The following LIN52 variants were observed in gnomAD, a reference collection of about 807,000 sequenced individuals.
LIN52 encodes the protein protein lin-52 homolog.
A neutral mutation model predicts 18.5 loss-of-function variants in LIN52; 4 were observed. The observed-to-expected ratio is 0.22, with a 90% CI of 0.11 to 0.49. The LOEUF is 0.49. LIN52 is among the 20% of genes least tolerant of loss of function. The pLI, the probability that LIN52 is intolerant of heterozygous loss-of-function variation, is 0.97. For synonymous variants in LIN52, 34 were observed against 45.5 expected, an observed-to-expected ratio of 0.75 and a Z score of 1.02; for missense variants, 102 against 139.5, an observed-to-expected ratio of 0.73 and a Z score of 1.35.
At chr14:74,103,374 T>C (rs1326599384) in intron 5 of LIN52, among the ~76,000 whole-genome samples, 1 of 151,602 alleles carries the variant, frequency 6.6e-6, no homozygotes, top group Non-Finnish European at 1.5e-5. Flanking sequence ...CCACCACACC[T>C]GACATATTGT....
intron 4 of LIN52, among the ~76,000 whole-genome samples, chr14:74,099,400 C>G (rs912051516): frequency 6.6e-6 from 1 of 152,166 alleles, no homozygotes; most frequent in Non-Finnish European, 1.5e-5. Context: ...CAGGTTCATT[C>G]TTCTAATGTT....
At chr14:74,124,432 AATT>A (rs1478498518) in intron 5 of LIN52, among the ~76,000 whole-genome samples, 1 of 152,192 alleles carries the variant, frequency 6.6e-6, no homozygotes, top group Non-Finnish European at 1.5e-5. Flanking sequence ...AATTTAATAT[AATT>A]CAAATTACAA....
chr14:74,142,991 A>G (rs17093891), intron 5 of LIN52, among the ~76,000 whole-genome samples: 2,059 of 151,418 alleles, frequency 0.014, 47 homozygotes, highest in African/African-American at 0.046. Flanking sequence ...TCAGAAGACT[A>G]AATCTAATAA....
At chr14:74,101,602 G>A (rs185965695) in intron 5 of LIN52, among the ~76,000 whole-genome samples, 2,668 of 151,202 alleles carry the variant, frequency 0.018, 36 homozygotes, top group Non-Finnish European at 0.027. Flanking sequence ...GGGACTACAG[G>A]CGCCCGCCAC....
rs113404168 is a variant in LIN52, at chr14:74,180,730, G to T, written c.284-18192G>T. On this transcript the variant is annotated intron_variant, in intron 5 of 5. Transcript: ENST00000555028. ...CAGTGGTCTAACATATAAAAATGCT[G>T]CTTTTCACTTTCACTTTGGCATTGG... is the stretch of plus-strand genomic sequence containing the variant. 2.1e-3 allele frequency among the ~76,000 whole-genome samples: 327 copies of T among 152,292 alleles called. 2 individuals are homozygous for T. Among genetic ancestry groups the T allele is most frequent in the African/African-American group, 7.5e-3 (311 of 41,558 alleles).
chr14:74,195,616 G>A (rs2078908132), intron 5 of LIN52, among the ~76,000 whole-genome samples: 2 of 152,108 alleles, frequency 1.3e-5, no homozygotes, highest in South Asian at 4.1e-4. Context: ...GCAGAAGGCT[G>A]TCTCCCTACT....
intron 5 of LIN52, among the ~76,000 whole-genome samples, chr14:74,151,075 C>G (rs899338817): frequency 2.6e-4 from 40 of 152,150 alleles, no homozygotes; most frequent in African/African-American, 8.9e-4. Context: ...CCCAGAGAGT[C>G]ATTAATTGAG....
chr14:74,104,080 G>A (rs2060881421), intron 5 of LIN52, among the ~76,000 whole-genome samples: 1 of 151,670 alleles, frequency 6.6e-6, no homozygotes, highest in Admixed American at 6.6e-5. Context: ...TGTATTTTTA[G>A]TAGAGACGGG....
At chr14:74,109,223 C>A (rs1415070292) in intron 5 of LIN52, among the ~76,000 whole-genome samples, 3 of 152,198 alleles carry the variant, frequency 2.0e-5, no homozygotes, top group Non-Finnish European at 2.9e-5. Flanking sequence ...GTGGCTCACA[C>A]CTGTAATCCC....
chr14:74,199,134 G>A lies in LIN52; in HGVS notation c.*157G>A. The A allele has an allele frequency of 1.8e-6, 1 of 556,050 alleles. No homozygotes were observed. The highest frequency in any genetic ancestry group is 3.2e-6 in the Non-Finnish European group (1 of 313,212). The allele number at this position is 556,050 out of a possible 1,614,324, so 34.4% of individuals were successfully genotyped here. ...GCTCCTGGCACTCTACACGTCTGAG[G>A]ACATTCAGCAGCAAGAGAAGAATCT... is the stretch of plus-strand genomic sequence containing the variant. On this transcript the variant is annotated 3_prime_UTR_variant, in exon 6 of 6. Transcript: ENST00000555028.
At chr14:74,104,162 G>A (rs1329547122) in intron 5 of LIN52, among the ~76,000 whole-genome samples, 4 of 152,048 alleles carry the variant, frequency 2.6e-5, no homozygotes, top group Admixed American at 2.6e-4. Flanking sequence ...ATCCCAAAGT[G>A]CCAGGATTAC....
intron 5 of LIN52, among the ~76,000 whole-genome samples, chr14:74,167,112 C>CT (rs9323596): frequency 0.27 from 31,584 of 119,008 alleles, 4,455 homozygotes; most frequent in African/African-American, 0.29. Flanking sequence ...GCCTCTGCTG[C>CT]TTTTTTTTTT....
intron 5 of LIN52, among the ~76,000 whole-genome samples, chr14:74,194,288 G>A (rs1201806676): frequency 1.3e-5 from 2 of 152,220 alleles, no homozygotes; most frequent in African/African-American, 2.4e-5. Flanking sequence ...ATTTACTGCA[G>A]AGAAGGCAGT....
chr14:74,183,356 C>G (rs2061327426), intron 5 of LIN52, among the ~76,000 whole-genome samples: 1 of 152,122 alleles, frequency 6.6e-6, no homozygotes, highest in Non-Finnish European at 1.5e-5. Context: ...GCCTCGGCCT[C>G]CCAAAGTGCT....
intron 5 of LIN52, among the ~76,000 whole-genome samples, chr14:74,123,442 A>G (rs1039497974): frequency 6.6e-6 from 1 of 152,186 alleles, no homozygotes; most frequent in African/African-American, 2.4e-5. Context: ...TAGGAAGAAG[A>G]AGACCTTTGA....
At chr14:74,175,544 G>A (rs2061289045) in intron 5 of LIN52, among the ~76,000 whole-genome samples, 1 of 151,582 alleles carries the variant, frequency 6.6e-6, no homozygotes. Flanking sequence ...AAAAAAAATA[G>A]AAATTAGCTG....
At chr14:74,087,765 C>T (rs141336878) in intron 1 of LIN52, among the ~76,000 whole-genome samples, 1 of 152,260 alleles carries the variant, frequency 6.6e-6, no homozygotes, top group African/African-American at 2.4e-5. Context: ...GCTGGAGCGT[C>T]TTTGAAAAGG....
rs59209603 is a variant in LIN52 at position 74,200,414 on chromosome 14, G to GAAAA, written c.*1463_*1466dup. 4.0e-4 allele frequency: 36 copies of GAAAA among 90,320 alleles called. No homozygotes were observed. Among genetic ancestry groups the GAAAA allele is most frequent in the African/African-American group, 1.6e-3 (33 of 20,636 alleles). 5.6% of individuals were successfully genotyped at this position (90,320 alleles called of 1,614,324 possible). Reference sequence around the variant, plus strand: ...GGCAACAGAGTGAGACTCTGTCTCAGAAAAAAAAAAAAAAAAAAAAAAAAA... The same window carrying GAAAA: ...GGCAACAGAGTGAGACTCTGTCTCAGAAAAAAAAAAAAAAAAAAAAAAAAAAAAA... On this transcript the variant is annotated 3_prime_UTR_variant, in exon 6 of 6. Coordinates refer to ENST00000555028, the MANE Select transcript of LIN52 (RefSeq NM_001024674.3).
chr14:74,103,681 C>A (rs942992585), intron 5 of LIN52, among the ~76,000 whole-genome samples: 18 of 148,732 alleles, frequency 1.2e-4, no homozygotes, highest in Non-Finnish European at 1.8e-4. Context: ...ATCTGCCCAA[C>A]TCCGCCTCCC....
Sources: gnomAD v4.1 joint callset for allele counts (sites outside exome capture counted in the v4.1 genomes callset) on GRCh38, gnomAD v4.1.1 for gene constraint, MANE v1.5 for transcripts, NCBI Gene and HGNC (gene_info 2026-07-23, HGNC 2026-07-21) for gene names.